The following PIGK variants were observed in gnomAD, a reference collection of about 807,000 sequenced individuals.
PIGK encodes the protein phosphatidylinositol glycan anchor biosynthesis class K.
A neutral mutation model predicts 50.6 loss-of-function variants in PIGK; 42 were observed. That is an observed-to-expected ratio of 0.83 (90% CI 0.65 to 1.07). The LOEUF (loss-of-function observed/expected upper bound fraction) is 1.07, where lower values mean the gene tolerates loss of function less well. Among genes scored for constraint, PIGK ranks in the 50% least tolerant of loss-of-function variants. The pLI is 0.00. For missense variants in PIGK, 448 were observed against 488.7 expected (o/e 0.92, Z 0.78); for synonymous variants, 151 against 156.0 (o/e 0.97, Z 0.24).
At chr1:77,106,373 G>A (rs191338292) in intron 10 of PIGK, among the ~76,000 whole-genome samples, 1 of 151,958 alleles carries the variant, frequency 6.6e-6, no homozygotes, top group Non-Finnish European at 1.5e-5. Context: ...ATCACTCTTG[G>A]GAGAAAATAG....
intron 4 of PIGK, among the ~76,000 whole-genome samples, chr1:77,168,058 C>T (rs1275147263): frequency 2.0e-5 from 3 of 151,808 alleles, no homozygotes; most frequent in African/African-American, 2.4e-5. Context: ...CCCAAAATTA[C>T]GTATCTTTAA....
At chr1:77,149,170 A>G (rs773310540) in intron 9 of PIGK, among the ~76,000 whole-genome samples, 1 of 152,208 alleles carries the variant, frequency 6.6e-6, no homozygotes, top group Non-Finnish European at 1.5e-5. Flanking sequence ...GGAAAATAGA[A>G]AAAAAGGAAG....
intron 9 of PIGK, 49 bp downstream of exon 9, chr1:77,154,400 C>A: frequency 7.2e-7 from 1 of 1,398,134 alleles, no homozygotes; most frequent in Non-Finnish European, 1.0e-6. Flanking sequence ...AAAAAATGTA[C>A]AAACTGTGAG....
At chr1:77,126,294 AG>A (rs1654228730) in intron 9 of PIGK, among the ~76,000 whole-genome samples, 1 of 152,116 alleles carries the variant, frequency 6.6e-6, no homozygotes, top group Non-Finnish European at 1.5e-5. Context: ...GACTTTGTAA[AG>A]GTGCTGGCTT....
At position 77,196,541 on chromosome 1, in the gene PIGK, G is replaced by T. The variant is rs192318239; in HGVS notation, c.239+10099C>A. On this transcript the variant is annotated intron_variant, in intron 3 of 10. Transcript: ENST00000370812. ...TGGTGTGAGATGGTATCTCACTGTGGTTTTGATTTGCATTTCTCTAGTAAT... is the reference window on the plus strand; with the variant it reads ...TGGTGTGAGATGGTATCTCACTGTGTTTTTGATTTGCATTTCTCTAGTAAT... Among the ~76,000 whole-genome samples, 572 of 152,162 alleles carry T rather than the reference G, an allele frequency of 3.8e-3. 5 individuals carry two copies. The highest frequency in any genetic ancestry group is 0.013 in the African/African-American group (542 of 41,496).
At chr1:77,106,827 C>G (rs905504118) in intron 10 of PIGK, among the ~76,000 whole-genome samples, 2 of 151,976 alleles carry the variant, frequency 1.3e-5, no homozygotes, top group African/African-American at 4.8e-5. Flanking sequence ...AGCAATGTTA[C>G]AGATTGAATA....
chr1:77,155,136 A>G (rs1654981070), intron 8 of PIGK, among the ~76,000 whole-genome samples: 1 of 152,190 alleles, frequency 6.6e-6, no homozygotes, highest in African/African-American at 2.4e-5. Context: ...CAGCCTCTCT[A>G]CTGCATATCC....
chr1:77,112,205 C>T (rs1653863845), intron 10 of PIGK, among the ~76,000 whole-genome samples: 1 of 130,464 alleles, frequency 7.7e-6, no homozygotes, highest in Admixed American at 8.2e-5. Flanking sequence ...TTCTGACATG[C>T]ATATACCAGT....
chr1:77,094,768 A>G (rs1653370788), intron 10 of PIGK, among the ~76,000 whole-genome samples: 1 of 152,108 alleles, frequency 6.6e-6, no homozygotes, highest in South Asian at 2.1e-4. Context: ...AGCTATTTTG[A>G]CCCATTATTC....
intron 10 of PIGK, among the ~76,000 whole-genome samples, chr1:77,112,964 A>T (rs892428356): frequency 1.3e-5 from 2 of 152,108 alleles, no homozygotes; most frequent in African/African-American, 4.8e-5. Context: ...ACCTAATAAT[A>T]TATCAGATGC....
At chr1:77,180,329 G>C (rs1272334344) in intron 3 of PIGK, among the ~76,000 whole-genome samples, 1 of 152,078 alleles carries the variant, frequency 6.6e-6, no homozygotes, top group Non-Finnish European at 1.5e-5. Flanking sequence ...TAGTTACACA[G>C]TAGTTATTTA....
intron 3 of PIGK, among the ~76,000 whole-genome samples, chr1:77,170,158 AG>A (rs1188372964): frequency 2.0e-5 from 3 of 152,192 alleles, no homozygotes; most frequent in Non-Finnish European, 4.4e-5. Flanking sequence ...AAAGTTTCCA[AG>A]GACTCCCCAT....
intron 3 of PIGK, among the ~76,000 whole-genome samples, chr1:77,173,902 T>C (rs1333687925): frequency 6.6e-6 from 1 of 152,234 alleles, no homozygotes; most frequent in African/African-American, 2.4e-5. Context: ...TGGTACTTTC[T>C]CTTAGTCTCC....
intron 10 of PIGK, among the ~76,000 whole-genome samples, chr1:77,092,880 A>G (rs953015073): frequency 2.6e-5 from 4 of 152,124 alleles, no homozygotes; most frequent in Non-Finnish European, 4.4e-5. Flanking sequence ...TCATCTTATT[A>G]TATTCCCAGC....
intron 3 of PIGK, among the ~76,000 whole-genome samples, chr1:77,174,922 T>TTCTG (rs34188971): frequency 0.75 from 114,409 of 151,680 alleles, 43,872 homozygotes; most frequent in East Asian, 1. Context: ...CTGGATCTTC[T>TTCTG]TCTGTCTATC....
At chr1:77,153,832 C>A (rs1654948976) in intron 9 of PIGK, 1 of 152,060 alleles carries the variant, frequency 6.6e-6, no homozygotes, top group Non-Finnish European at 1.5e-5. Context: ...CAGATAATCA[C>A]AAATAACAAA....
intron 10 of PIGK, among the ~76,000 whole-genome samples, chr1:77,102,929 T>C (rs1653581965): frequency 6.6e-6 from 1 of 152,316 alleles, no homozygotes; most frequent in South Asian, 2.1e-4. Flanking sequence ...TTAATTTACT[T>C]TGAAGAAAAT....
intron 10 of PIGK, 92 bp from the exon 11 acceptor site, chr1:77,092,582 T>C: frequency 1.3e-6 from 1 of 757,128 alleles, no homozygotes. Context: ...TAAATTTCAC[T>C]GGTTGTGTTT....
At chr1:77,126,401 T>C (rs887381429) in intron 9 of PIGK, among the ~76,000 whole-genome samples, 3 of 152,164 alleles carry the variant, frequency 2.0e-5, no homozygotes, top group African/African-American at 7.2e-5. Context: ...GCTGACTTAC[T>C]AGGTTTCTCA....
Sources: allele counts gnomAD v4.1 joint callset (sites outside exome capture counted in the v4.1 genomes callset), GRCh38; gene constraint gnomAD v4.1.1; transcripts MANE v1.5; gene names NCBI Gene and HGNC (gene_info 2026-07-23, HGNC 2026-07-21).